C2orf76: variants seen among roughly 807,000 people sequenced by gnomAD.
C2orf76 encodes the protein UPF0538 protein C2orf76.
A neutral mutation model predicts 16.9 loss-of-function variants in C2orf76; 23 were observed. That is an observed-to-expected ratio of 1.36 (90% CI 0.98 to 1.93). The LOEUF is 1.93. C2orf76 is among the 30% of genes most tolerant of loss of function. C2orf76 has a pLI of 0.00. For missense variants in C2orf76, 152 were observed against 152.6 expected, an observed-to-expected ratio of 1.00 and a Z score of 0.02; for synonymous variants, 48 against 52.3, an observed-to-expected ratio of 0.92 and a Z score of 0.35.
At chr2:119,306,089 G>C (rs958665201) in intron 5 of C2orf76, among the ~76,000 whole-genome samples, 2 of 152,072 alleles carry the variant, frequency 1.3e-5, no homozygotes, top group African/African-American at 4.8e-5. Context: ...CAGTTTCCTG[G>C]GTCCGACACC....
At chr2:119,343,254 C>T (rs1680092165) in intron 1 of C2orf76, among the ~76,000 whole-genome samples, 1 of 152,062 alleles carries the variant, frequency 6.6e-6, no homozygotes, top group Non-Finnish European at 1.5e-5. Flanking sequence ...CAGAATCTAC[C>T]ACATAATAGC....
chr2:119,339,865 T>C lies in C2orf76; in HGVS notation c.95A>G (p.Asp32Gly). 3.7e-6 allele frequency: 6 copies of C among 1,610,822 alleles called. No homozygotes were observed. Among genetic ancestry groups the C allele is most frequent in the Non-Finnish European group, 3.4e-6 (4 of 1,177,206 alleles). Residue 32 changes from aspartate (D) to glycine (G), a missense_variant, in exon 2 of 6, where the codon GAC becomes GGC. Physicochemically the swap from Asp to Gly is moderately conservative, Grantham distance 94. Transcript: ENST00000334816. ...KPVVYHGVNL[D>G]QTVKEFIVFL... ...TACGATAAATTCCTTTACAGTTTGG[T>C]CCAAATTCACTCCGTGATACACTAC...
At chr2:119,367,094 C>T (rs567513217), upstream of C2orf76, 51 of 1,612,958 alleles carry the variant, frequency 3.2e-5, no homozygotes, top group East Asian at 7.4e-4. Context: ...TGCGAAGGTG[C>T]AGCGGGCGGG....
intron 2 of C2orf76, among the ~76,000 whole-genome samples, chr2:119,337,122 C>A (rs1157788428): frequency 6.6e-6 from 1 of 151,352 alleles, no homozygotes; most frequent in East Asian, 1.9e-4. Context: ...GTAGTGCAAT[C>A]AAAGCTCACT....
At chr2:119,347,883 A>G (rs181320573) in intron 1 of C2orf76, among the ~76,000 whole-genome samples, 106 of 152,090 alleles carry the variant, frequency 7.0e-4, no homozygotes, top group Middle Eastern at 3.4e-3. Flanking sequence ...TTTTACAGCC[A>G]GGAAATTGAC....
chr2:119,292,997 T>G, the C2orf76 span, among the ~76,000 whole-genome samples: 1 of 152,212 alleles, frequency 6.6e-6, no homozygotes, highest in African/African-American at 2.4e-5. Flanking sequence ...ATTGTGCCAC[T>G]GAACTCCAGC....
chr2:119,325,262 C>T (rs905149626), intron 2 of C2orf76, among the ~76,000 whole-genome samples: 1 of 151,988 alleles, frequency 6.6e-6, no homozygotes, highest in African/African-American at 2.4e-5. Context: ...GAGTTCGAGA[C>T]CAGCCTGACC....
chr2:119,366,400 C>T, intron 1 of C2orf76: 1 of 471,328 alleles, frequency 2.1e-6, no homozygotes, highest in Non-Finnish European at 4.4e-6. Context: ...CAATACAGGC[C>T]TGACACTACG....
intron 1 of C2orf76, 92 bp from the exon 2 acceptor site, chr2:119,340,063 C>T: frequency 1.5e-6 from 2 of 1,367,468 alleles, no homozygotes; most frequent in Admixed American, 1.9e-5. Flanking sequence ...TCTCTGGCAC[C>T]AGCCCCGCTC....
chr2:119,304,606 A>G (rs190872206), intron 5 of C2orf76, among the ~76,000 whole-genome samples: 21 of 152,344 alleles, frequency 1.4e-4, no homozygotes, highest in Admixed American at 1.4e-3. Context: ...AATCTAGGTA[A>G]ACAAATGGGT....
At position 119,310,885 on chromosome 2, in the gene C2orf76, A is replaced by T. The variant is rs532338722; in HGVS notation, c.304+737T>A. Among the ~76,000 whole-genome samples, 63 of 152,224 alleles carry T rather than the reference A, an allele frequency of 4.1e-4. No homozygotes were observed. The East Asian group carries it at 7.5e-3, about 18-fold the overall frequency. ...TGAGACTCTGTCTCAAAAAATAAAT[A>T]AATTAATAAATAATTAAGAAGAAGC... is the stretch of plus-strand genomic sequence containing the variant. On this transcript the variant is annotated intron_variant, in intron 5 of 5. Transcript: ENST00000334816.
At chr2:119,287,579 T>C in the C2orf76 span, among the ~76,000 whole-genome samples, 1 of 152,162 alleles carries the variant, frequency 6.6e-6, no homozygotes. Flanking sequence ...CTGTTTTTGT[T>C]GAGAACAACA....
chr2:119,294,915 T>C, the C2orf76 span, among the ~76,000 whole-genome samples: 2 of 151,818 alleles, frequency 1.3e-5, no homozygotes, highest in Non-Finnish European at 1.5e-5. Flanking sequence ...TGAGAAGGCA[T>C]AGAGGATCTC....
At chr2:119,340,871 C>A (rs564667266) in intron 1 of C2orf76, among the ~76,000 whole-genome samples, 1 of 150,080 alleles carries the variant, frequency 6.7e-6, no homozygotes, top group Admixed American at 6.6e-5. Flanking sequence ...TTTTTTCATG[C>A]TTAAAAAATA....
At chr2:119,312,658 G>C (rs1437729353) in intron 4 of C2orf76, among the ~76,000 whole-genome samples, 1 of 152,172 alleles carries the variant, frequency 6.6e-6, no homozygotes, top group Non-Finnish European at 1.5e-5. Flanking sequence ...TATGTGATTT[G>C]GGGTGGGGGT....
chr2:119,343,610 T>C (rs1680105061), intron 1 of C2orf76, among the ~76,000 whole-genome samples: 1 of 152,086 alleles, frequency 6.6e-6, no homozygotes, highest in African/African-American at 2.4e-5. Flanking sequence ...TGCAACTGTC[T>C]GATATATAAA....
intron 1 of C2orf76, among the ~76,000 whole-genome samples, chr2:119,344,649 AAAC>A (rs1273713882): frequency 2.0e-5 from 3 of 152,208 alleles, no homozygotes; most frequent in African/African-American, 7.2e-5. Context: ...CAAAGTCATA[AAAC>A]AACAAAAAAG....
chr2:119,306,786 C>A (rs1678801854), intron 5 of C2orf76, among the ~76,000 whole-genome samples: 1 of 2,470 alleles, frequency 4.0e-4, no homozygotes, highest in South Asian at 0.17. Flanking sequence ...GGTCCACAAG[C>A]AAAAACTCCA....
At chr2:119,364,465 A>T (rs759701228) in intron 1 of C2orf76, among the ~76,000 whole-genome samples, 5 of 152,174 alleles carry the variant, frequency 3.3e-5, no homozygotes, top group East Asian at 1.9e-4. Flanking sequence ...AGTTCTAACA[A>T]ATTTAGATGG....
Sources: gnomAD v4.1 joint callset for allele counts (sites outside exome capture counted in the v4.1 genomes callset) on GRCh38, gnomAD v4.1.1 for gene constraint, MANE v1.5 for transcripts, NCBI Gene and HGNC (gene_info 2026-07-23, HGNC 2026-07-21) for gene names.